Variants in CELF2 observed in about 807,000 individuals in gnomAD.
The protein encoded by CELF2 is CUGBP Elav-like family member 2.
A neutral mutation model predicts 62.6 loss-of-function variants in CELF2; 8 were observed. The ratio of observed to expected loss-of-function variants is 0.13; its 90% CI spans 0.07 to 0.23. The LOEUF is 0.23. Ranked by LOEUF, CELF2 falls within the 10% of genes least tolerant of loss-of-function variation. The pLI is 1.00. For missense variants in CELF2, 333 were observed against 671.0 expected (o/e 0.50, Z 5.56); for synonymous variants, 258 against 250.0 (o/e 1.03, Z -0.30).
intron 1 of CELF2, among the ~76,000 whole-genome samples, chr10:11,049,654 G>A (rs192931250): frequency 1.3e-5 from 2 of 151,270 alleles, no homozygotes; most frequent in Admixed American, 1.3e-4. Flanking sequence ...CACGCTTCCG[G>A]CACATACTTA....
the CELF2 span, among the ~76,000 whole-genome samples, chr10:10,608,504 TG>T: frequency 6.6e-6 from 1 of 152,220 alleles, no homozygotes; most frequent in African/African-American, 2.4e-5. Context: ...TTAGAACTTG[TG>T]GGCTTGGATA....
At chr10:10,485,071 A>G in the CELF2 span, among the ~76,000 whole-genome samples, 1 of 152,076 alleles carries the variant, frequency 6.6e-6, no homozygotes, top group Non-Finnish European at 1.5e-5. Context: ...GCAGCCCAGT[A>G]ATATTTTTTT....
intron 1 of CELF2, among the ~76,000 whole-genome samples, chr10:10,830,493 T>A (rs1463705152): frequency 6.6e-6 from 1 of 152,172 alleles, no homozygotes; most frequent in African/African-American, 2.4e-5. Context: ...CAAGTTTGAT[T>A]CGTCATTTTG....
intron 8 of CELF2, among the ~76,000 whole-genome samples, chr10:11,284,632 A>G (rs962213304): frequency 7.7e-5 from 11 of 142,494 alleles, no homozygotes; most frequent in Admixed American, 7.6e-4. Context: ...GAGGATCCAT[A>G]CCACAATGAG....
the CELF2 span, among the ~76,000 whole-genome samples, chr10:10,578,731 G>A: frequency 2.6e-5 from 4 of 152,118 alleles, no homozygotes; most frequent in African/African-American, 9.7e-5. Flanking sequence ...TTTTCAACAG[G>A]ATGACTTAGT....
At chr10:10,752,571 T>A in the CELF2 span, among the ~76,000 whole-genome samples, 1 of 144,038 alleles carries the variant, frequency 6.9e-6, no homozygotes, top group African/African-American at 2.6e-5. Flanking sequence ...ATGCCTGTAA[T>A]CCCAGCTACT....
the CELF2 span, among the ~76,000 whole-genome samples, chr10:10,584,002 A>G: frequency 6.6e-6 from 1 of 151,966 alleles, no homozygotes; most frequent in Non-Finnish European, 1.5e-5. Context: ...ATGCCTTCCA[A>G]CCCCAAGACC....
chr10:10,810,117 G>C (rs918783917), intron 1 of CELF2, among the ~76,000 whole-genome samples: 1 of 152,194 alleles, frequency 6.6e-6, no homozygotes, highest in Non-Finnish European at 1.5e-5. Flanking sequence ...CATCTGGAGG[G>C]AAGGTACCTT....
chr10:10,789,412 G>A, the CELF2 span, among the ~76,000 whole-genome samples: 3 of 152,116 alleles, frequency 2.0e-5, no homozygotes, highest in African/African-American at 7.2e-5. Flanking sequence ...ATACTAAGTT[G>A]CCTCTGATAG....
intron 1 of CELF2, among the ~76,000 whole-genome samples, chr10:11,083,774 C>T: frequency 6.6e-6 from 1 of 152,190 alleles, no homozygotes; most frequent in East Asian, 1.9e-4. Flanking sequence ...TGAACCTCTC[C>T]ATACCCCAGT....
At chr10:10,659,659 C>A in the CELF2 span, among the ~76,000 whole-genome samples, 12 of 152,314 alleles carry the variant, frequency 7.9e-5, no homozygotes, top group South Asian at 2.5e-3. Context: ...CCTGCATACC[C>A]TAAACAGAAT....
At chr10:10,547,063 C>T in the CELF2 span, among the ~76,000 whole-genome samples, 7 of 152,188 alleles carry the variant, frequency 4.6e-5, no homozygotes, top group Admixed American at 1.3e-4. Flanking sequence ...GTCGAGATCA[C>T]GCCACTGCAC....
At chr10:11,287,728 G>A (rs1449370798) in intron 8 of CELF2, among the ~76,000 whole-genome samples, 1 of 152,156 alleles carries the variant, frequency 6.6e-6, no homozygotes, top group African/African-American at 2.4e-5. Context: ...AAGTTCAATG[G>A]CAATAGCAAT....
the CELF2 span, among the ~76,000 whole-genome samples, chr10:10,779,828 A>G: frequency 6.6e-6 from 1 of 152,036 alleles, no homozygotes; most frequent in South Asian, 2.1e-4. Context: ...TTCTTTTTCT[A>G]TAAAATGAAC....
chr10:10,563,923 A>G, the CELF2 span, among the ~76,000 whole-genome samples: 1 of 152,230 alleles, frequency 6.6e-6, no homozygotes, highest in Non-Finnish European at 1.5e-5. Flanking sequence ...TGTTGATTTA[A>G]GTGTAATGTA....
At chr10:10,466,964 T>C in the CELF2 span, among the ~76,000 whole-genome samples, 1 of 152,046 alleles carries the variant, frequency 6.6e-6, no homozygotes, top group Admixed American at 6.6e-5. Context: ...GTGTATGGAA[T>C]ACATTTCCTC....
At chr10:10,502,873 T>C in the CELF2 span, among the ~76,000 whole-genome samples, 1 of 152,008 alleles carries the variant, frequency 6.6e-6, no homozygotes, top group Non-Finnish European at 1.5e-5. Context: ...ATGCATTTAG[T>C]GCTTTCAGTT....
In CELF2 at chr10:11,324,254, G is replaced by T. The variant is rs2095609341; in HGVS notation, c.1295-1582G>T. On this transcript the variant is annotated intron_variant, in intron 11 of 12. Coordinates refer to ENST00000633077, the MANE Select transcript of CELF2 (RefSeq NM_001326342.2). The surrounding 1 kb of genome is among the most constrained non-coding windows in gnomAD (Gnocchi z 4.7). ...GATGTACTTCACAGTTCAAACTGGG[G>T]CCCAATAACTCTCATTTGTGCATTT... is the stretch of plus-strand genomic sequence containing the variant. 6.6e-6 allele frequency among the ~76,000 whole-genome samples: 1 copy of T among 152,160 alleles called. No homozygotes were observed. Among genetic ancestry groups the T allele is most frequent in the African/African-American group, 2.4e-5 (1 of 41,428 alleles).
In CELF2 at chr10:10,993,337, G is replaced by A. The variant is rs1001561661; in HGVS notation, c.89+73338G>A. Among the ~76,000 whole-genome samples the A allele has an allele frequency of 2.6e-5, 4 of 152,062 alleles. No homozygotes were observed. The South Asian group carries it at 8.3e-4, about 31-fold the overall frequency. ...ACTCATTTCAAAGCCATCACAAGAG[G>A]CATCTAATTGAAGCTACTAGAAAGA... On this transcript the variant is annotated intron_variant, in intron 2 of 13. Coordinates refer to the CELF2 transcript ENST00000636488. The surrounding 1 kb of genome is among the most constrained non-coding windows in gnomAD (Gnocchi z 5.3).
Sources: gnomAD v4.1 joint callset for allele counts (sites outside exome capture counted in the v4.1 genomes callset) on GRCh38, gnomAD v4.1.1 for gene constraint, Gnocchi (gnomAD v3.1) non-coding constraint, MANE v1.5 for transcripts, NCBI Gene and HGNC (gene_info 2026-07-23, HGNC 2026-07-21) for gene names.